TENM1: variants seen among roughly 807,000 people sequenced by gnomAD.
The protein encoded by TENM1 is teneurin-1.
A neutral mutation model predicts 174.8 loss-of-function variants in TENM1; 35 were observed. The observed-to-expected ratio is 0.20, with a 90% CI of 0.15 to 0.27. The LOEUF is 0.27. TENM1 is among the 10% of genes least tolerant of loss of function. The pLI, the probability that TENM1 is intolerant of heterozygous loss-of-function variation, is 1.00. For synonymous variants in TENM1, 781 were observed against 798.7 expected, an observed-to-expected ratio of 0.98 and a Z score of 0.37; for missense variants, 1,633 against 2,130.1, an observed-to-expected ratio of 0.77 and a Z score of 4.59.
At chrX:124,920,707 T>C (rs1446237653) in intron 1 of TENM1, among the ~76,000 whole-genome samples, 2 of 109,056 alleles carry the variant, frequency 1.8e-5, no homozygotes, top group African/African-American at 7.0e-5. Context: ...AAAAAGTTAC[T>C]TCATTTTTAT....
intron 14 of TENM1, among the ~76,000 whole-genome samples, chrX:124,552,924 C>T (rs1036289178): frequency 1.8e-5 from 2 of 111,246 alleles, no homozygotes; most frequent in African/African-American, 6.6e-5. Flanking sequence ...TAAAATTTCC[C>T]CGTCCTACAC....
In TENM1 at chrX:124,646,691, A is replaced by G. The variant is rs1046359190; in HGVS notation, c.1681+18T>C. ...CATCTATTTTCCTAAACCAATCAGAATAACAGAGCAACATTACCTCTAGCA... is the reference window on the plus strand; with the variant it reads ...CATCTATTTTCCTAAACCAATCAGAGTAACAGAGCAACATTACCTCTAGCA... On this transcript the variant is annotated intron_variant, in intron 9 of 31. Transcript: ENST00000422452. The G allele has an allele frequency of 8.1e-6, 9 of 1,113,258 alleles. No individual in the cohort carries two copies. Among genetic ancestry groups the G allele is most frequent in the Non-Finnish European group, 8.6e-6 (7 of 811,671 alleles). 91.7% of individuals were successfully genotyped at this position (1,113,258 alleles called of 1,213,427 possible). A position where few individuals can be genotyped will look rare whatever the true frequency, so the allele number is the denominator to read the frequency against.
chrX:124,931,759 A>T (rs1203882996), intron 1 of TENM1, among the ~76,000 whole-genome samples: 1 of 110,699 alleles, frequency 9.0e-6, no homozygotes, highest in South Asian at 3.9e-4. Context: ...ATACACTATT[A>T]TGTGCTATAT....
At chrX:124,614,273 T>C (rs60745914) in intron 11 of TENM1, among the ~76,000 whole-genome samples, 135 of 112,015 alleles carry the variant, frequency 1.2e-3, no homozygotes, top group African/African-American at 4.1e-3. Flanking sequence ...GTACCAATTA[T>C]ATTTGAAAAG....
chrX:124,826,497 C>T (rs1219760696), intron 3 of TENM1, among the ~76,000 whole-genome samples: 2 of 110,568 alleles, frequency 1.8e-5, no homozygotes, highest in African/African-American at 6.6e-5. Context: ...AAATTATGAG[C>T]CATAATAGAG....
intron 6 of TENM1, among the ~76,000 whole-genome samples, chrX:124,667,252 T>A (rs1046382645): frequency 2.7e-5 from 3 of 111,762 alleles, no homozygotes; most frequent in Admixed American, 1.9e-4. Flanking sequence ...TTTGTTCATA[T>A]CCTCTGCTCT....
At chrX:124,488,521 A>G (rs1602523627) in intron 20 of TENM1, among the ~76,000 whole-genome samples, 1 of 112,369 alleles carries the variant, frequency 8.9e-6, no homozygotes, top group East Asian at 2.8e-4. Flanking sequence ...AAGGGTAGGT[A>G]TCCTGTGGGT....
At chrX:124,560,056 C>A (rs1009096042) in intron 14 of TENM1, among the ~76,000 whole-genome samples, 1 of 110,117 alleles carries the variant, frequency 9.1e-6, no homozygotes, top group African/African-American at 3.3e-5. Context: ...GAAGATGAGT[C>A]TTAGAGGGCC....
the TENM1 span, among the ~76,000 whole-genome samples, chrX:124,991,471 G>A: frequency 6.7e-3 from 736 of 109,135 alleles, 8 homozygotes; most frequent in East Asian, 0.066. Context: ...TGTGTGTGTC[G>A]GGGAGTGGGG....
the TENM1 span, among the ~76,000 whole-genome samples, chrX:125,062,198 A>G: frequency 8.9e-6 from 1 of 112,170 alleles, no homozygotes; most frequent in African/African-American, 3.2e-5. Flanking sequence ...AGTTCCTGGC[A>G]CATAGCATTT....
rs781209372 is a variant in TENM1 at position 124,883,097 on chromosome X, G to A, written c.535+11199C>T. Reference sequence around the variant, plus strand: ...GAATCTGTTGATAGATAATTATTGTGTTCTTTTGAGGTATCATATTTTCTT... The same window carrying A: ...GAATCTGTTGATAGATAATTATTGTATTCTTTTGAGGTATCATATTTTCTT... On this transcript the variant is annotated intron_variant, in intron 3 of 31. Coordinates refer to ENST00000422452, the Ensembl canonical transcript of TENM1. 8.1e-5 allele frequency among the ~76,000 whole-genome samples: 9 copies of A among 111,664 alleles called. No individual in the cohort carries two copies. The South Asian group carries it at 3.4e-3, about 42-fold the overall frequency.
intron 27 of TENM1, 68 bp from the exon 31 acceptor site, chrX:124,392,416 C>A: frequency 1.1e-6 from 1 of 882,370 alleles, no homozygotes; most frequent in Admixed American, 2.7e-5. Context: ...CACTGACAAT[C>A]ATGAATCCTT....
chrX:124,918,428 C>T (rs904973192), intron 1 of TENM1, among the ~76,000 whole-genome samples: 3 of 110,780 alleles, frequency 2.7e-5, no homozygotes, highest in Non-Finnish European at 5.7e-5. Flanking sequence ...GATCCACCTG[C>T]CTTGGCCTCC....
At chrX:124,839,253 C>T (rs190186248) in intron 3 of TENM1, among the ~76,000 whole-genome samples, 2 of 111,456 alleles carry the variant, frequency 1.8e-5, no homozygotes, top group East Asian at 2.8e-4. Flanking sequence ...GTTATGGGTA[C>T]TTACATATAT....
the TENM1 span, among the ~76,000 whole-genome samples, chrX:125,102,972 C>A: frequency 8.9e-6 from 1 of 112,010 alleles, no homozygotes; most frequent in Non-Finnish European, 1.9e-5. Context: ...GAGGAAAATT[C>A]TGCTGAAGTG....
At chrX:124,965,084 T>C (rs1181389967), upstream of TENM1, among the ~76,000 whole-genome samples, 1 of 111,729 alleles carries the variant, frequency 9.0e-6, no homozygotes, top group African/African-American at 3.3e-5. Context: ...GATTGATTGA[T>C]TGATTGATTT....
chrX:125,185,359 G>C, the TENM1 span, among the ~76,000 whole-genome samples: 1 of 112,004 alleles, frequency 8.9e-6, no homozygotes, highest in African/African-American at 3.2e-5. Context: ...TAGTTAAGAA[G>C]ACTCCTGATT....
intron 11 of TENM1, among the ~76,000 whole-genome samples, chrX:124,586,384 T>G (rs1476929440): frequency 1.7e-4 from 18 of 106,601 alleles, no homozygotes; most frequent in African/African-American, 4.2e-4. Flanking sequence ...TGGTTCAATA[T>G]ACGCAAATCA....
chrX:124,779,110 G>C (rs1038423195), intron 3 of TENM1, among the ~76,000 whole-genome samples: 2 of 111,723 alleles, frequency 1.8e-5, no homozygotes, highest in Non-Finnish European at 3.8e-5. Context: ...GCTGTAGAGA[G>C]TCTTATTCTA....
Sources: gnomAD v4.1 joint callset for allele counts (sites outside exome capture counted in the v4.1 genomes callset) on GRCh38, gnomAD v4.1.1 for gene constraint, MANE v1.5 for transcripts, NCBI Gene and HGNC (gene_info 2026-07-23, HGNC 2026-07-21) for gene names.